GSE1: variants seen among roughly 807,000 people sequenced by gnomAD.
The protein encoded by GSE1 is Gse1 coiled-coil protein, also known as genetic suppressor element 1.
In GSE1, 32 loss-of-function variants were observed where a neutral mutation model predicts 112.6. That is an observed-to-expected ratio of 0.28 (90% CI 0.21 to 0.38). The LOEUF (loss-of-function observed/expected upper bound fraction) is 0.38. Ranked by LOEUF, GSE1 falls within the 10% of genes least tolerant of loss-of-function variation. The probability of loss-of-function intolerance (pLI) is 1.00; values close to 1 mark genes in which losing one functional copy is unlikely to be tolerated. For synonymous variants in GSE1, 1,115 were observed against 735.6 expected (o/e 1.52, Z -8.35); for missense variants, 2,348 against 1,699.2 (o/e 1.38, Z -6.71).
rs928507358 is a variant in GSE1, at chr16:85,655,678, C to T, written c.798-48C>T. 20 of 1,325,756 alleles carry T rather than the reference C, an allele frequency of 1.5e-5. No homozygotes were observed. The African/African-American group carries it at 2.7e-4, about 18-fold the overall frequency. The allele number at this position is 1,325,756 out of a possible 1,614,324, so 82.1% of individuals were successfully genotyped here. A position where few individuals can be genotyped will look rare whatever the true frequency, so the allele number is the denominator to read the frequency against. On this transcript the variant is annotated intron_variant, in intron 5 of 15. Transcript: ENST00000253458. ...GACACACCTGTCGACAGGGCTGGGTCTTCCCCTTGGTTCATTTGCTGCTCA... is the reference window on the plus strand; with the variant it reads ...GACACACCTGTCGACAGGGCTGGGTTTTCCCCTTGGTTCATTTGCTGCTCA...
At chr16:85,543,056 T>C (rs1343355209) in intron 2 of GSE1, among the ~76,000 whole-genome samples, 1 of 152,102 alleles carries the variant, frequency 6.6e-6, no homozygotes, top group African/African-American at 2.4e-5. Flanking sequence ...TGAAACTCCA[T>C]CTCTACTAAA....
rs1374770673 is a variant in GSE1 at position 85,246,364 on chromosome 16, C to T, written c.2283+74557C>T. On this transcript the variant is annotated intron_variant, in intron 1 of 2. Transcript: ENST00000637419. Reference sequence around the variant, plus strand: ...CACGCTGTCTACACACACACACACACACACCACACGCTGTCTACACACACA... The same window carrying T: ...CACGCTGTCTACACACACACACACATACACCACACGCTGTCTACACACACA... Among the ~76,000 whole-genome samples, 32 of 135,192 alleles carry T rather than the reference C, an allele frequency of 2.4e-4. 1 individual carries two copies. The highest frequency in any genetic ancestry group is 8.3e-4 in the African/African-American group (29 of 35,074). The allele number at this position is 135,192 out of a possible 152,430, so 88.7% of individuals were successfully genotyped here.
chr16:85,309,770 G>A (rs796361341), intron 1 of GSE1, among the ~76,000 whole-genome samples: 1 of 152,234 alleles, frequency 6.6e-6, no homozygotes, highest in Non-Finnish European at 1.5e-5. Flanking sequence ...GCTGAGCCCT[G>A]GGTCTGGGCC....
intron 1 of GSE1, among the ~76,000 whole-genome samples, chr16:85,353,470 A>G (rs2151564297): frequency 6.6e-6 from 1 of 152,172 alleles, no homozygotes; most frequent in East Asian, 1.9e-4. Flanking sequence ...TCCCATCAAA[A>G]GCACAGGGTT....
intron 1 of GSE1, among the ~76,000 whole-genome samples, chr16:85,564,385 T>G (rs750982015): frequency 2.0e-4 from 30 of 152,014 alleles, no homozygotes; most frequent in Admixed American, 9.8e-4. Flanking sequence ...CGTTGTGGTG[T>G]TGGTGGTGGT....
At chr16:85,188,804 C>G (rs75173029) in intron 1 of GSE1, among the ~76,000 whole-genome samples, 1 of 126,306 alleles carries the variant, frequency 7.9e-6, no homozygotes, top group East Asian at 2.3e-4. Flanking sequence ...TTATCTCTAT[C>G]TTAAAAAAAA....
At chr16:85,340,362 G>A (rs765986232) in intron 1 of GSE1, among the ~76,000 whole-genome samples, 24 of 152,158 alleles carry the variant, frequency 1.6e-4, no homozygotes, top group East Asian at 1.4e-3. Context: ...AAACAAAGGC[G>A]GGTATGGTGG....
At chr16:85,654,058 C>T (rs925067779) in intron 3 of GSE1, among the ~76,000 whole-genome samples, 10 of 152,146 alleles carry the variant, frequency 6.6e-5, no homozygotes, top group South Asian at 2.1e-4. Context: ...GATCCCGAGA[C>T]GCACTTCACC....
At chr16:85,375,586 G>A (rs2047401197) in intron 2 of GSE1, among the ~76,000 whole-genome samples, 1 of 152,196 alleles carries the variant, frequency 6.6e-6, no homozygotes, top group Non-Finnish European at 1.5e-5. Flanking sequence ...CGGTGGGTTT[G>A]CTGGTGTTCA....
Position 85,670,795 on chromosome 16 carries a change from G to T in GSE1, c.3416-200G>T, listed in dbSNP as rs1422328904. 5 of 420,124 alleles carry T rather than the reference G, an allele frequency of 1.2e-5. No individual in the cohort carries two copies. The East Asian group carries it at 1.2e-4, about 10-fold the overall frequency. The allele number at this position is 420,124 out of a possible 1,614,324, so 26.0% of individuals were successfully genotyped here. A position where few individuals can be genotyped will look rare whatever the true frequency, so the allele number is the denominator to read the frequency against. ...TCCTTTGTCTTTATTCCTGTGTATT[G>T]GGCTTAATTTAGTGACGTTTATGTA... is the stretch of plus-strand genomic sequence containing the variant. On this transcript the variant is annotated intron_variant, in intron 14 of 15. Transcript: ENST00000253458.
At chr16:85,554,081 C>T (rs772626962), upstream of GSE1, among the ~76,000 whole-genome samples, 7 of 151,410 alleles carry the variant, frequency 4.6e-5, no homozygotes, top group South Asian at 2.1e-4. Flanking sequence ...GTTGTGCCAC[C>T]GAGGGGCCCC....
chr16:85,564,817 C>G (rs1210797454), intron 1 of GSE1, among the ~76,000 whole-genome samples: 2 of 152,204 alleles, frequency 1.3e-5, no homozygotes, highest in Non-Finnish European at 2.9e-5. Context: ...CCTGCTCCTC[C>G]CAGGCTCTGC....
At chr16:85,425,186 A>G (rs1237938298) in intron 2 of GSE1, among the ~76,000 whole-genome samples, 4 of 152,184 alleles carry the variant, frequency 2.6e-5, no homozygotes, top group Admixed American at 1.3e-4. Flanking sequence ...GTTCTGTACC[A>G]TCTCAGTTAG....
At chr16:85,265,130 G>C (rs1908105678) in intron 1 of GSE1, among the ~76,000 whole-genome samples, 1 of 152,232 alleles carries the variant, frequency 6.6e-6, no homozygotes, top group South Asian at 2.1e-4. Context: ...GGTGAGTTGG[G>C]AGAGTTGCAA....
At chr16:85,369,714 G>A (rs2047255620) in intron 2 of GSE1, among the ~76,000 whole-genome samples, 1 of 152,220 alleles carries the variant, frequency 6.6e-6, no homozygotes, top group Non-Finnish European at 1.5e-5. Flanking sequence ...AGATGTGGAC[G>A]TCTTTTGGGG....
rs549383526 is a variant in GSE1 at position 85,416,225 on chromosome 16, G to A, written c.2464+58582G>A. On this transcript the variant is annotated intron_variant, in intron 2 of 2. Coordinates refer to the GSE1 transcript ENST00000637419. ...GCCTTTACAATAGTTTATGTTGAGA[G>A]TGGAATATAAATTGCATTATTAAAT... Among the ~76,000 whole-genome samples the A allele has an allele frequency of 5.3e-5, 8 of 152,346 alleles. No individual in the cohort carries two copies. In the South Asian group the frequency reaches 1.7e-3, roughly 32 times the overall value.
intron 11 of GSE1, among the ~76,000 whole-genome samples, chr16:85,664,139 G>A (rs866224611): frequency 3.3e-5 from 5 of 152,258 alleles, no homozygotes; most frequent in South Asian, 2.1e-4. Flanking sequence ...CTCTGGGCTC[G>A]AATCCATATA....
rs893580171 is a variant in GSE1 at position 85,326,127 on chromosome 16, T to C, written c.2284-31336T>C. On this transcript the variant is annotated intron_variant, in intron 1 of 2. Coordinates refer to the GSE1 transcript ENST00000637419. ...CCTGACGGTGTCTACTTTAACAAGA[T>C]CCTTGACTGGAAGGGTCATACATCT... Among the ~76,000 whole-genome samples the C allele has an allele frequency of 2.0e-5, 3 of 152,108 alleles. 1 individual carries two copies. The South Asian group carries it at 6.2e-4, about 32-fold the overall frequency.
In GSE1 at chr16:85,663,573, C is replaced by G. The variant is rs142707147; in HGVS notation, c.2603C>G (p.Thr868Ser). The G allele has an allele frequency of 3.7e-6, 6 of 1,613,848 alleles. No homozygotes were observed. In the African/African-American group the frequency reaches 8.0e-5, roughly 22 times the overall value. ...TTCGAAGAAAAGAAGAAGTTCCTGACCATCTTCAACCTGACCCACATCAGC... is the reference window on the plus strand; with the variant it reads ...TTCGAAGAAAAGAAGAAGTTCCTGAGCATCTTCAACCTGACCCACATCAGC... ...PNFEEKKKFL[T>S]IFNLTHISAE... The change falls in exon 11 of 16, where the codon ACC (threonine) becomes AGC (serine). Residue 868 changes from threonine (T) to serine (S), a missense_variant. Thr to Ser is a moderately conservative substitution (Grantham distance 58, BLOSUM62 1). Coordinates refer to ENST00000253458, the MANE Select transcript of GSE1 (RefSeq NM_014615.5).
Sources: allele counts gnomAD v4.1 joint callset (sites outside exome capture counted in the v4.1 genomes callset), GRCh38; gene constraint gnomAD v4.1.1; transcripts MANE v1.5; gene names NCBI Gene and HGNC (gene_info 2026-07-23, HGNC 2026-07-21).